The following TMC1 variants were observed in gnomAD, a reference collection of about 807,000 sequenced individuals.
The protein encoded by TMC1 is transmembrane channel-like protein 1.
Under a neutral mutation model 105.8 loss-of-function variants are expected in TMC1, and 84 were observed. The observed-to-expected ratio is 0.79, with a 90% CI of 0.67 to 0.95. The LOEUF (loss-of-function observed/expected upper bound fraction) is 0.95, where lower values mean the gene tolerates loss of function less well. Among genes scored for constraint, TMC1 ranks in the 40% least tolerant of loss-of-function variants. TMC1 has a pLI of 0.00. For synonymous variants in TMC1, 315 were observed against 311.5 expected, an observed-to-expected ratio of 1.01 and a Z score of -0.12; for missense variants, 817 against 914.1, an observed-to-expected ratio of 0.89 and a Z score of 1.37.
chr9:72,620,262 G>T (rs1360728998), intron 3 of TMC1, among the ~76,000 whole-genome samples: 2 of 151,762 alleles, frequency 1.3e-5, no homozygotes, highest in Non-Finnish European at 2.9e-5. Context: ...TTATTATTAA[G>T]ATAGGATCTG....
At chr9:72,591,692 T>C (rs1160839164) in intron 2 of TMC1, among the ~76,000 whole-genome samples, 11 of 152,046 alleles carry the variant, frequency 7.2e-5, no homozygotes, top group Admixed American at 7.2e-4. Context: ...CACTTCAGCT[T>C]CCTGAGTAGC....
chr9:72,754,772 G>C lies in TMC1; in HGVS notation c.643-14G>C. On this transcript the variant is annotated splice_polypyrimidine_tract_variant and intron_variant, in intron 11 of 23. Transcript: ENST00000297784. ...TTTCTAATTGTTCACTGCTTTCTTT[G>C]CTTCTTCATACAGTACCTCTGGGGT... 1 of 1,599,798 alleles carries C rather than the reference G, an allele frequency of 6.3e-7. No individual in the cohort carries two copies. The highest frequency in any genetic ancestry group is 8.6e-7 in the Non-Finnish European group (1 of 1,167,050).
intron 2 of TMC1, among the ~76,000 whole-genome samples, chr9:72,582,698 G>T (rs1824494637): frequency 6.6e-6 from 1 of 152,094 alleles, no homozygotes; most frequent in Non-Finnish European, 1.5e-5. Context: ...TAACACTCTT[G>T]ATTTTGAAAA....
intron 12 of TMC1, among the ~76,000 whole-genome samples, 183 bp downstream of exon 12, chr9:72,755,067 GGAGGGAGA>G (rs1324263897): frequency 2.0e-4 from 21 of 103,536 alleles, no homozygotes; most frequent in African/African-American, 5.8e-4. Context: ...AGGGAGGGAG[GGAGGGAGA>G]GAGAGAGAGA....
intron 20 of TMC1, among the ~76,000 whole-genome samples, chr9:72,822,039 A>G (rs1378366477): frequency 2.0e-5 from 3 of 152,200 alleles, no homozygotes; most frequent in African/African-American, 7.2e-5. Flanking sequence ...TTAGAGATAC[A>G]CATTTCTACA....
chr9:72,776,334 A>G (rs1001769650), intron 13 of TMC1, among the ~76,000 whole-genome samples: 17 of 152,172 alleles, frequency 1.1e-4, no homozygotes, highest in Admixed American at 9.8e-4. Context: ...GCAAAATGAC[A>G]GTATGTTCAT....
chr9:72,688,377 G>A (rs1028306320), intron 5 of TMC1, among the ~76,000 whole-genome samples: 11 of 152,102 alleles, frequency 7.2e-5, no homozygotes, highest in East Asian at 1.9e-4. Context: ...AAAATAACCC[G>A]ACAAACCCCA....
chr9:72,816,245 A>G, intron 19 of TMC1, 35 bp downstream of exon 19: 2 of 1,595,880 alleles, frequency 1.3e-6, no homozygotes. Flanking sequence ...TCACTTACAG[A>G]AAAGCCTCCC....
At chr9:72,557,955 T>G (rs566792367) in intron 1 of TMC1, among the ~76,000 whole-genome samples, 14 of 152,158 alleles carry the variant, frequency 9.2e-5, no homozygotes, top group Non-Finnish European at 1.6e-4. Flanking sequence ...CTTCAGACCA[T>G]GAGAAATTGT....
intron 13 of TMC1, among the ~76,000 whole-genome samples, chr9:72,783,311 C>A (rs770980071): frequency 6.6e-6 from 1 of 152,156 alleles, no homozygotes; most frequent in Non-Finnish European, 1.5e-5. Flanking sequence ...GACAGTGTAG[C>A]CTTCAATCTG....
chr9:72,555,506 G>T (rs1017025302), intron 1 of TMC1, among the ~76,000 whole-genome samples: 4 of 151,808 alleles, frequency 2.6e-5, no homozygotes, highest in African/African-American at 9.7e-5. Flanking sequence ...AGATTTCTTT[G>T]TGATATTATC....
intron 1 of TMC1, among the ~76,000 whole-genome samples, chr9:72,551,505 C>T (rs929115813): frequency 1.3e-5 from 2 of 152,128 alleles, no homozygotes; most frequent in Non-Finnish European, 2.9e-5. Context: ...TTGCCAGAAT[C>T]GTGGAAGCAG....
At position 72,689,504 on chromosome 9, in the gene TMC1, G is replaced by C. The variant is rs537948452; in HGVS notation, c.64+748G>C. ...ACTGCTGTTTCCTTATTGATTTTCT[G>C]TCTAGATGTTCTATCCATTATGGAA... On this transcript the variant is annotated intron_variant, in intron 6 of 23. Transcript: ENST00000297784. 4.6e-5 allele frequency among the ~76,000 whole-genome samples: 7 copies of C among 151,216 alleles called. No individual in the cohort carries two copies. In the South Asian group the frequency reaches 1.0e-3, roughly 23 times the overall value.
chr9:72,615,050 A>G (rs915248919), intron 2 of TMC1, among the ~76,000 whole-genome samples: 22 of 152,204 alleles, frequency 1.4e-4, no homozygotes, highest in African/African-American at 4.8e-4. Flanking sequence ...CCTGCATACC[A>G]GTGAAATAAG....
At chr9:72,640,142 T>C (rs546301637) in intron 4 of TMC1, among the ~76,000 whole-genome samples, 2 of 152,356 alleles carry the variant, frequency 1.3e-5, no homozygotes, top group African/African-American at 4.8e-5. Context: ...TTTTTACTAA[T>C]GTTGTATATT....
rs367567160 is a variant in TMC1, at chr9:72,821,114, G to A, written c.2003+33G>A. 1,074 of 1,613,850 alleles carry A rather than the reference G, an allele frequency of 6.7e-4. 3 individuals carry two copies. Among genetic ancestry groups the A allele is most frequent in the Non-Finnish European group, 8.9e-4 (1,047 of 1,179,942 alleles). On this transcript the variant is annotated intron_variant, in intron 20 of 23. Transcript: ENST00000297784. ...GCTTTTGAAATTTGACTCAGGCATC[G>A]TGTTCTTTCGGGGGTGGAGGTGGGA...
intron 15 of TMC1, among the ~76,000 whole-genome samples, chr9:72,789,845 C>T (rs1828236399): frequency 6.6e-6 from 1 of 152,204 alleles, no homozygotes. Context: ...GTCTGGGCTT[C>T]CCTCTGTTTT....
intron 8 of TMC1, 98 bp downstream of exon 8, chr9:72,700,741 TATAC>T (rs1484744980): frequency 1.6e-3 from 247 of 149,912 alleles, no homozygotes; most frequent in African/African-American, 8.7e-3. Flanking sequence ...TATATATATA[TATAC>T]ACACACACAC....
At chr9:72,785,678 A>G (rs1828158005) in intron 13 of TMC1, among the ~76,000 whole-genome samples, 1 of 152,244 alleles carries the variant, frequency 6.6e-6, no homozygotes, top group African/African-American at 2.4e-5. Flanking sequence ...CACAGGATGC[A>G]TCCACACTAA....
Sources: allele counts gnomAD v4.1 joint callset (sites outside exome capture counted in the v4.1 genomes callset), GRCh38; gene constraint gnomAD v4.1.1; transcripts MANE v1.5; gene names NCBI Gene and HGNC (gene_info 2026-07-23, HGNC 2026-07-21).